MYO3B: variants seen among roughly 807,000 people sequenced by gnomAD.
The protein encoded by MYO3B is myosin IIIB.
A neutral mutation model predicts 174.6 loss-of-function variants in MYO3B; 156 were observed. The ratio of observed to expected loss-of-function variants is 0.89; its 90% CI spans 0.78 to 1.02. The LOEUF (loss-of-function observed/expected upper bound fraction) is 1.02, where lower values mean the gene tolerates loss of function less well. MYO3B is among the 50% of genes least tolerant of loss of function. MYO3B has a pLI of 0.00. For synonymous variants in MYO3B, 563 were observed against 569.1 expected, an observed-to-expected ratio of 0.99 and a Z score of 0.15; for missense variants, 1,632 against 1,639.4, an observed-to-expected ratio of 1.00 and a Z score of 0.08.
At chr2:170,352,187 A>T (rs2094078175) in intron 8 of MYO3B, among the ~76,000 whole-genome samples, 1 of 152,162 alleles carries the variant, frequency 6.6e-6, no homozygotes, top group African/African-American at 2.4e-5. Flanking sequence ...TCCTGACCTC[A>T]GGTGACCCGC....
chr2:170,329,663 G>T (rs1369635217), intron 7 of MYO3B, among the ~76,000 whole-genome samples: 2 of 151,870 alleles, frequency 1.3e-5, no homozygotes, highest in South Asian at 4.2e-4. Flanking sequence ...CAAAGTGCTG[G>T]GATTACAGGG....
chr2:170,313,055 G>C (rs182408772), intron 7 of MYO3B, among the ~76,000 whole-genome samples: 2 of 152,282 alleles, frequency 1.3e-5, no homozygotes. Flanking sequence ...AAATGCATTA[G>C]CATTGCCCCT....
intron 23 of MYO3B, among the ~76,000 whole-genome samples, chr2:170,457,646 C>A (rs1169780450): frequency 1.3e-5 from 2 of 152,222 alleles, no homozygotes; most frequent in Non-Finnish European, 2.9e-5. Flanking sequence ...CCTATGATAA[C>A]AATGCCTTCT....
At chr2:170,638,462 T>G (rs1697706762) in intron 32 of MYO3B, among the ~76,000 whole-genome samples, 1 of 152,216 alleles carries the variant, frequency 6.6e-6, no homozygotes, top group Non-Finnish European at 1.5e-5. Flanking sequence ...CCTAAACACA[T>G]TTTGATTGGT....
chr2:170,308,757 A>C (rs546317043), intron 7 of MYO3B, among the ~76,000 whole-genome samples: 1 of 151,800 alleles, frequency 6.6e-6, no homozygotes, highest in Admixed American at 6.6e-5. Context: ...TCCCTGTTGG[A>C]CTCTCATGCC....
At chr2:170,226,677 C>T (rs2092955766) in intron 6 of MYO3B, among the ~76,000 whole-genome samples, 1 of 152,068 alleles carries the variant, frequency 6.6e-6, no homozygotes, top group Non-Finnish European at 1.5e-5. Flanking sequence ...CCTGGTGGGT[C>T]TAAATATAAG....
chr2:170,324,430 AGG>A (rs2093850381), intron 7 of MYO3B, among the ~76,000 whole-genome samples: 2 of 152,196 alleles, frequency 1.3e-5, no homozygotes, highest in South Asian at 4.1e-4. Flanking sequence ...CTTTTTAAGT[AGG>A]GGAAGAGGGT....
chr2:170,279,703 C>T (rs1428716787), intron 7 of MYO3B, among the ~76,000 whole-genome samples: 4 of 151,996 alleles, frequency 2.6e-5, no homozygotes, highest in African/African-American at 4.8e-5. Flanking sequence ...ACTTTATAAG[C>T]GAGAACATGC....
intron 7 of MYO3B, among the ~76,000 whole-genome samples, chr2:170,297,379 G>A (rs1415753681): frequency 6.6e-6 from 1 of 151,986 alleles, no homozygotes; most frequent in African/African-American, 2.4e-5. Flanking sequence ...AAAAAGAGTT[G>A]AGCTAAATTA....
intron 22 of MYO3B, among the ~76,000 whole-genome samples, chr2:170,426,272 G>A (rs897170557): frequency 3.3e-5 from 5 of 151,628 alleles, no homozygotes; most frequent in Non-Finnish European, 5.9e-5. Flanking sequence ...CCAGGAGTTC[G>A]AGACTGCAGT....
At chr2:170,216,123 C>CGCAGTGAACACA (rs2092825285) in intron 5 of MYO3B, among the ~76,000 whole-genome samples, 1 of 15,066 alleles carries the variant, frequency 6.6e-5, no homozygotes, top group African/African-American at 2.8e-4. Context: ...AGAGAATGTC[C>CGCAGTGAACACA]GCAGTCATCC....
In MYO3B at chr2:170,641,862, G is replaced by T. The variant is rs987888316; in HGVS notation, c.3734-9766G>T. Among the ~76,000 whole-genome samples the T allele has an allele frequency of 1.3e-4, 12 of 90,828 alleles. 1 individual carries two copies. Among genetic ancestry groups the T allele is most frequent in the Non-Finnish European group, 4.3e-5 (2 of 46,446 alleles). The allele number at this position is 90,828 out of a possible 152,430, so 59.6% of individuals were successfully genotyped here. On this transcript the variant is annotated intron_variant, in intron 32 of 34. Coordinates refer to ENST00000408978, the MANE Select transcript of MYO3B (RefSeq NM_138995.5). ...ATTTATGACTTTATTGTTAAGTGGGGGGGGGGGGGGAGGGGCGGGGAGCCA... is the reference window on the plus strand; with the variant it reads ...ATTTATGACTTTATTGTTAAGTGGGTGGGGGGGGGGAGGGGCGGGGAGCCA...
intron 7 of MYO3B, among the ~76,000 whole-genome samples, chr2:170,322,113 G>GAA (rs56152648): frequency 4.7e-5 from 4 of 85,974 alleles, no homozygotes; most frequent in Non-Finnish European, 9.0e-5. Flanking sequence ...ACTCCGTCTC[G>GAA]AAAAAAAAAA....
chr2:170,318,490 G>A (rs1282224872), intron 7 of MYO3B, among the ~76,000 whole-genome samples: 4 of 152,174 alleles, frequency 2.6e-5, no homozygotes, highest in African/African-American at 9.7e-5. Context: ...CAATAGGATG[G>A]GGAGGGCTAG....
chr2:170,616,197 C>T (rs1401017168), intron 32 of MYO3B, among the ~76,000 whole-genome samples: 1 of 152,204 alleles, frequency 6.6e-6, no homozygotes. Flanking sequence ...TATGCCTTAA[C>T]CCTAAAGAGG....
At chr2:170,356,163 G>A (rs930195344) in intron 8 of MYO3B, among the ~76,000 whole-genome samples, 4 of 151,748 alleles carry the variant, frequency 2.6e-5, no homozygotes, top group African/African-American at 9.7e-5. Context: ...GGGTTTCACC[G>A]TGTTGGCCAG....
chr2:170,253,035 C>A (rs2093270047), intron 7 of MYO3B, among the ~76,000 whole-genome samples: 1 of 151,970 alleles, frequency 6.6e-6, no homozygotes, highest in South Asian at 2.1e-4. Context: ...AGATAGGAAG[C>A]CATTAGGGTT....
chr2:170,401,744 GTC>G (rs1299220050), intron 18 of MYO3B, 53 bp downstream of exon 18: 57 of 1,507,980 alleles, frequency 3.8e-5, no homozygotes, highest in Non-Finnish European at 4.5e-5. Flanking sequence ...TGACCCCGCC[GTC>G]TCTTAGAGTT....
At chr2:170,387,345 C>T in intron 14 of MYO3B, 37 bp downstream of exon 14, 1 of 1,584,892 alleles carries the variant, frequency 6.3e-7, no homozygotes, top group Non-Finnish European at 8.6e-7. Flanking sequence ...TTTTGCCCTG[C>T]AGTAAAAACT....
Sources: allele counts gnomAD v4.1 joint callset (sites outside exome capture counted in the v4.1 genomes callset), GRCh38; gene constraint gnomAD v4.1.1; transcripts MANE v1.5; gene names NCBI Gene and HGNC (gene_info 2026-07-23, HGNC 2026-07-21).